Variants in NRG1 observed in about 807,000 individuals in gnomAD.
The protein encoded by NRG1 is neuregulin 1, also known as pro-neuregulin-1, membrane-bound isoform.
Under a neutral mutation model 63.8 loss-of-function variants are expected in NRG1, and 18 were observed. The ratio of observed to expected loss-of-function variants is 0.28; its 90% confidence interval spans 0.19 to 0.42. The LOEUF is 0.42. Ranked by LOEUF, NRG1 falls within the 10% of genes least tolerant of loss-of-function variation. The pLI, the probability that NRG1 is intolerant of heterozygous loss-of-function variation, is 1.00. For synonymous variants in NRG1, 302 were observed against 301.3 expected (o/e 1.00, Z -0.02); for missense variants, 762 against 814.7 (o/e 0.94, Z 0.79).
chr8:31,945,887 T>A (rs1032600052), intron 1 of NRG1, among the ~76,000 whole-genome samples: 2 of 152,342 alleles, frequency 1.3e-5, no homozygotes, highest in Non-Finnish European at 2.9e-5. Flanking sequence ...TCCAGCTGAC[T>A]ATCATCTGCA....
intron 1 of NRG1, among the ~76,000 whole-genome samples, chr8:31,718,505 C>A (rs1812587189): frequency 6.6e-6 from 1 of 152,228 alleles, no homozygotes; most frequent in African/African-American, 2.4e-5. Flanking sequence ...AGAATGTTTG[C>A]AACAGGATTT....
chr8:31,888,014 A>G (rs545104980), intron 1 of NRG1, among the ~76,000 whole-genome samples: 3 of 151,606 alleles, frequency 2.0e-5, no homozygotes, highest in African/African-American at 7.2e-5. Context: ...TAGGATATAA[A>G]CCCAATATGT....
At chr8:31,855,878 G>T (rs1189946945) in intron 1 of NRG1, among the ~76,000 whole-genome samples, 1 of 151,910 alleles carries the variant, frequency 6.6e-6, no homozygotes, top group Non-Finnish European at 1.5e-5. Context: ...ATGAAGCTTA[G>T]TTTGGCTGGA....
chr8:32,443,795 T>G lies in NRG1; in HGVS notation c.38-152033T>G, dbSNP rs1368843081. Among the ~76,000 whole-genome samples the G allele has an allele frequency of 3.3e-5, 5 of 151,812 alleles. No homozygotes were observed. In the Middle Eastern group the frequency reaches 0.017, roughly 516 times the overall value. On this transcript the variant is annotated intron_variant, in intron 1 of 10. Coordinates refer to the NRG1 transcript ENST00000519301. ...ATGTCTTGCATTTACTAGAAAATCA[T>G]GCTTTTCGAGAACGCATTTCTATTA...
chr8:32,742,899 T>G lies in NRG1; in HGVS notation c.691+166T>G, dbSNP rs1415950494. 6.5e-7 allele frequency: 1 copy of G among 1,531,048 alleles called. No individual in the cohort carries two copies. The highest frequency in any genetic ancestry group is 1.4e-5 in the African/African-American group (1 of 72,694). 94.8% of individuals were successfully genotyped at this position (1,531,048 alleles called of 1,614,324 possible). On this transcript the variant is annotated intron_variant, in intron 7 of 11. Transcript: ENST00000356819. This position sits in a 1 kb window ranked among gnomAD's most constrained non-coding sequence, Gnocchi z 4.2. ...CGCATGAGAACATTAACAAAAGCAATTGTATTACTTCCTCTGTTCGCGACT... is the reference window on the plus strand; with the variant it reads ...CGCATGAGAACATTAACAAAAGCAAGTGTATTACTTCCTCTGTTCGCGACT...
chr8:32,732,482 G>A (rs1167183601), intron 6 of NRG1, among the ~76,000 whole-genome samples: 1 of 152,142 alleles, frequency 6.6e-6, no homozygotes, highest in East Asian at 1.9e-4. Context: ...ATGTTGTCCA[G>A]TGGACAGATG....
chr8:31,938,165 C>T (rs193094551), intron 1 of NRG1, among the ~76,000 whole-genome samples: 2 of 152,262 alleles, frequency 1.3e-5, no homozygotes, highest in Admixed American at 1.3e-4. Flanking sequence ...CTTCACTCCC[C>T]TGCTACCTCC....
At chr8:32,642,324 C>T (rs1368599995) in intron 5 of NRG1, among the ~76,000 whole-genome samples, 1 of 152,220 alleles carries the variant, frequency 6.6e-6, no homozygotes, top group Non-Finnish European at 1.5e-5. Context: ...TAGTCTTTGC[C>T]TTCAAATAAA....
At chr8:32,492,114 A>G (rs996139807) in intron 1 of NRG1, among the ~76,000 whole-genome samples, 1 of 152,048 alleles carries the variant, frequency 6.6e-6, no homozygotes, top group African/African-American at 2.4e-5. Flanking sequence ...TAGTCAATAC[A>G]TTAAGAAAAA....
At chr8:31,960,026 A>G (rs1805189149) in intron 1 of NRG1, among the ~76,000 whole-genome samples, 1 of 152,050 alleles carries the variant, frequency 6.6e-6, no homozygotes, top group Non-Finnish European at 1.5e-5. Flanking sequence ...GAAAGGGAGA[A>G]TGACTTAATT....
At chr8:32,509,373 T>A (rs1423720894) in intron 1 of NRG1, among the ~76,000 whole-genome samples, 1 of 152,192 alleles carries the variant, frequency 6.6e-6, no homozygotes, top group Non-Finnish European at 1.5e-5. Context: ...GGATTACAGG[T>A]GTGAGTCACC....
At chr8:32,472,701 A>G (rs1384923949) in intron 1 of NRG1, among the ~76,000 whole-genome samples, 2 of 152,206 alleles carry the variant, frequency 1.3e-5, no homozygotes, top group South Asian at 4.1e-4. Context: ...CTTCAGGGTC[A>G]ACTGCAATAT....
intron 1 of NRG1, among the ~76,000 whole-genome samples, chr8:32,435,709 A>C (rs1818708572): frequency 6.6e-6 from 1 of 152,174 alleles, no homozygotes; most frequent in South Asian, 2.1e-4. Flanking sequence ...TTTTAGCATT[A>C]AAAATATAAA....
intron 1 of NRG1, among the ~76,000 whole-genome samples, chr8:31,906,197 T>C (rs1390884152): frequency 6.6e-6 from 1 of 152,200 alleles, no homozygotes; most frequent in Non-Finnish European, 1.5e-5. Context: ...GATTATCCAC[T>C]TCCAAGCTCA....
chr8:32,577,745 T>G (rs1027720327), intron 1 of NRG1, among the ~76,000 whole-genome samples: 1 of 152,186 alleles, frequency 6.6e-6, no homozygotes, highest in Non-Finnish European at 1.5e-5. Flanking sequence ...GAGGACATTT[T>G]CTTCTAGCAG....
intron 1 of NRG1, among the ~76,000 whole-genome samples, chr8:32,396,108 C>G (rs372440499): frequency 6.6e-6 from 1 of 152,142 alleles, no homozygotes; most frequent in Non-Finnish European, 1.5e-5. Context: ...ACCAGTAACA[C>G]GCTGTCATCA....
intron 1 of NRG1, among the ~76,000 whole-genome samples, chr8:32,135,375 A>G (rs1178442130): frequency 6.6e-6 from 1 of 152,166 alleles, no homozygotes; most frequent in Non-Finnish European, 1.5e-5. Flanking sequence ...AGATTATTAT[A>G]GGAGTCCTTG....
intron 1 of NRG1, among the ~76,000 whole-genome samples, chr8:32,424,573 A>C (rs568211420): frequency 6.6e-6 from 1 of 152,256 alleles, no homozygotes; most frequent in African/African-American, 2.4e-5. Context: ...TAGTTTTAGA[A>C]TCTTGGGCAA....
At chr8:31,961,754 T>G (rs1315254486) in intron 1 of NRG1, among the ~76,000 whole-genome samples, 1 of 152,096 alleles carries the variant, frequency 6.6e-6, no homozygotes, top group Admixed American at 6.5e-5. Context: ...GGAGCTATGA[T>G]AATCTAAGAT....
Sources: allele counts gnomAD v4.1 joint callset (sites outside exome capture counted in the v4.1 genomes callset), GRCh38; gene constraint gnomAD v4.1.1; non-coding constraint Gnocchi (gnomAD v3.1); transcripts MANE v1.5; gene names NCBI Gene and HGNC (gene_info 2026-07-23, HGNC 2026-07-21).